Variants in COA8 observed in about 807,000 individuals in gnomAD.
COA8 encodes UPF0671 protein C14orf153.
Under a neutral mutation model 22.0 loss-of-function variants are expected in COA8, and 20 were observed. The observed-to-expected ratio is 0.91, with a 90% confidence interval of 0.64 to 1.32. The LOEUF (loss-of-function observed/expected upper bound fraction) is 1.32, where lower values mean the gene tolerates loss of function less well. Among genes scored for constraint, COA8 ranks in the 40% most tolerant of loss-of-function variants. The pLI is 0.00. For synonymous variants in COA8, 105 were observed against 79.9 expected, an observed-to-expected ratio of 1.31 and a Z score of -1.68; for missense variants, 266 against 230.0, an observed-to-expected ratio of 1.16 and a Z score of -1.01.
rs2076267836 is a variant in COA8 at position 103,581,591 on chromosome 14, T to C, written c.386-5683T>C. 2 of 398,822 alleles carry C rather than the reference T, an allele frequency of 5.0e-6. No individual in the cohort carries two copies. The highest frequency in any genetic ancestry group is 4.4e-6 in the Non-Finnish European group (1 of 226,338). The allele number at this position is 398,822 out of a possible 1,614,324, so 24.7% of individuals were successfully genotyped here. On this transcript the variant is annotated intron_variant, in intron 3 of 4. Transcript: ENST00000409074. This position sits in a 1 kb window ranked among gnomAD's most constrained non-coding sequence, Gnocchi z 4.1. ...CAGACCCCACTTTACCTCGGGTAAC[T>C]GAAACCATGGAAAGAAAAACCATGG...
chr14:103,574,345 C>A, intron 3 of COA8, 175 bp downstream of exon 3: 2 of 832,722 alleles, frequency 2.4e-6, no homozygotes, highest in Non-Finnish European at 4.0e-6. Context: ...AGTTCCCAGG[C>A]ATGGCTCTCC....
intron 1 of COA8, among the ~76,000 whole-genome samples, chr14:103,569,919 C>T (rs1181125346): frequency 3.9e-5 from 6 of 152,072 alleles, no homozygotes; most frequent in Non-Finnish European, 5.9e-5. Flanking sequence ...TGCAGTGGTG[C>T]GATCTCGGCT....
At chr14:103,566,501 G>A (rs575130455) in intron 1 of COA8, among the ~76,000 whole-genome samples, 1 of 152,364 alleles carries the variant, frequency 6.6e-6, no homozygotes, top group South Asian at 2.1e-4. Flanking sequence ...TGAAAACCGT[G>A]TCCTGTATTG....
Position 103,564,571 on chromosome 14 carries a change from C to CTTTTTTTTTTTTTT in COA8, c.123+1460_123+1473dup, listed in dbSNP as rs561702478. 3.3e-5 allele frequency among the ~76,000 whole-genome samples: 3 copies of CTTTTTTTTTTTTTT among 91,460 alleles called. 1 individual carries two copies. The highest frequency in any genetic ancestry group is 4.2e-5 in the Non-Finnish European group (2 of 47,532). The allele number at this position is 91,460 out of a possible 152,430, so 60.0% of individuals were successfully genotyped here. A position where few individuals can be genotyped will look rare whatever the true frequency, so the allele number is the denominator to read the frequency against. On this transcript the variant is annotated intron_variant, in intron 1 of 4. Coordinates refer to ENST00000409074, the MANE Select transcript of COA8 (RefSeq NM_001370595.2). ...GATTTCTCTATTGTCATATACACTT[C>CTTTTTTTTTTTTTT]TTTTTTTTTTTTTTTTTTTTTTTTT...
intron 1 of COA8, among the ~76,000 whole-genome samples, chr14:103,568,174 C>G: frequency 6.6e-6 from 1 of 152,180 alleles, no homozygotes; most frequent in African/African-American, 2.4e-5. Flanking sequence ...CTGGTGGTTT[C>G]CCCATGGTAG....
chr14:103,580,069 G>A (rs1363418177), intron 3 of COA8, among the ~76,000 whole-genome samples: 1 of 151,768 alleles, frequency 6.6e-6, no homozygotes, highest in Non-Finnish European at 1.5e-5. Context: ...ATGGGAGGAT[G>A]CGAGTAGGTT....
Position 103,590,586 on chromosome 14 carries a change from G to T in COA8, c.*300G>T. 1 of 242,830 alleles carries T rather than the reference G, an allele frequency of 4.1e-6. No individual in the cohort carries two copies. The highest frequency in any genetic ancestry group is 6.1e-5 in the South Asian group (1 of 16,382). 15.0% of individuals were successfully genotyped at this position (242,830 alleles called of 1,614,324 possible). Reference sequence around the variant, plus strand: ...CAAAACAGAACTATTTAAAAATATTGGCCAGGCACGGTGGCTCACACCTGT... The same window carrying T: ...CAAAACAGAACTATTTAAAAATATTTGCCAGGCACGGTGGCTCACACCTGT... On this transcript the variant is annotated 3_prime_UTR_variant, in exon 5 of 5. Coordinates refer to ENST00000409074, the MANE Select transcript of COA8 (RefSeq NM_001370595.2).
At chr14:103,583,888 A>T (rs1320119621) in intron 3 of COA8, among the ~76,000 whole-genome samples, 2 of 152,214 alleles carry the variant, frequency 1.3e-5, no homozygotes, top group African/African-American at 2.4e-5. Context: ...GGATCACAAC[A>T]TTCAGAAAGG....
chr14:103,586,640 CT>C (rs56313410), intron 3 of COA8, among the ~76,000 whole-genome samples: 20 of 142,528 alleles, frequency 1.4e-4, no homozygotes, highest in South Asian at 2.2e-4. Context: ...CACGCCTGGC[CT>C]TTTTTTTTTT....
At position 103,590,374 on chromosome 14, in the gene COA8, G is replaced by A; in HGVS notation, c.*88G>A. Reference sequence around the variant, plus strand: ...AGGGGCTCTGAGAAAAACTGGAGCTGATCTCAAGAAGCCCCACATCTTCCT... The same window carrying A: ...AGGGGCTCTGAGAAAAACTGGAGCTAATCTCAAGAAGCCCCACATCTTCCT... On this transcript the variant is annotated 3_prime_UTR_variant, in exon 5 of 5. Transcript: ENST00000409074. 1 of 1,278,664 alleles carries A rather than the reference G, an allele frequency of 7.8e-7. No homozygotes were observed. Among genetic ancestry groups the A allele is most frequent in the Non-Finnish European group, 1.1e-6 (1 of 910,792 alleles). 79.2% of individuals were successfully genotyped at this position (1,278,664 alleles called of 1,614,324 possible). A position where few individuals can be genotyped will look rare whatever the true frequency, so the allele number is the denominator to read the frequency against.
At chr14:103,566,659 A>C (rs1231343473) in intron 1 of COA8, among the ~76,000 whole-genome samples, 1 of 152,224 alleles carries the variant, frequency 6.6e-6, no homozygotes, top group African/African-American at 2.4e-5. Context: ...GGAGCTCTGC[A>C]TGCTAACACA....
intron 1 of COA8, among the ~76,000 whole-genome samples, chr14:103,564,040 C>G (rs1301145206): frequency 6.6e-6 from 1 of 151,980 alleles, no homozygotes; most frequent in Admixed American, 6.6e-5. Context: ...GTAGACCCAG[C>G]TACTCGGGAG....
At chr14:103,575,548 C>T (rs776982606) in intron 3 of COA8, among the ~76,000 whole-genome samples, 7 of 152,030 alleles carry the variant, frequency 4.6e-5, no homozygotes, top group Non-Finnish European at 8.8e-5. Flanking sequence ...TGCACCAATG[C>T]GTGAGGATGT....
chr14:103,565,902 A>G (rs1035823658), intron 1 of COA8, among the ~76,000 whole-genome samples: 1 of 151,942 alleles, frequency 6.6e-6, no homozygotes, highest in Non-Finnish European at 1.5e-5. Flanking sequence ...GGTATGAGCC[A>G]CTGTGCCTGG....
intron 1 of COA8, among the ~76,000 whole-genome samples, chr14:103,571,103 GAAT>G (rs1305860734): frequency 2.0e-5 from 3 of 152,152 alleles, no homozygotes; most frequent in Non-Finnish European, 4.4e-5. Context: ...CACCTTACCA[GAAT>G]TCAGACTCCT....
intron 1 of COA8, among the ~76,000 whole-genome samples, chr14:103,567,726 C>T (rs896305892): frequency 6.6e-5 from 10 of 152,100 alleles, no homozygotes; most frequent in Non-Finnish European, 1.5e-4. Flanking sequence ...CATCTTTAGA[C>T]AATACTGAGG....
chr14:103,587,115 T>C (rs999733008), intron 3 of COA8, among the ~76,000 whole-genome samples, 159 bp from the exon 4 acceptor site: 1 of 152,268 alleles, frequency 6.6e-6, no homozygotes, highest in African/African-American at 2.4e-5. Flanking sequence ...TGATTTCATT[T>C]CAGACTGTTC....
chr14:103,573,089 A>G (rs903219616), intron 2 of COA8, among the ~76,000 whole-genome samples: 1 of 152,158 alleles, frequency 6.6e-6, no homozygotes, highest in Non-Finnish European at 1.5e-5. Flanking sequence ...CAGAGAATTC[A>G]AAATTCTTAA....
At chr14:103,588,185 T>C (rs1485787736) in intron 4 of COA8, 1 of 338,530 alleles carries the variant, frequency 3.0e-6, no homozygotes, top group East Asian at 4.2e-5. Flanking sequence ...TATTTACAGG[T>C]GAAATTAATA....
Sources: allele counts gnomAD v4.1 joint callset (sites outside exome capture counted in the v4.1 genomes callset), GRCh38; gene constraint gnomAD v4.1.1; non-coding constraint Gnocchi (gnomAD v3.1); transcripts MANE v1.5; gene names NCBI Gene and HGNC (gene_info 2026-07-23, HGNC 2026-07-21).